The following CDKAL1 variants were observed in gnomAD, a reference collection of about 807,000 sequenced individuals.
The protein encoded by CDKAL1 is CDKAL1 threonylcarbamoyladenosine tRNA methylthiotransferase, also known as threonylcarbamoyladenosine tRNA methylthiotransferase.
CDKAL1 carries 32 observed loss-of-function variants against 68.2 expected under a neutral mutation model. The observed-to-expected ratio is 0.47, with a 90% CI of 0.35 to 0.63. The LOEUF is 0.63. Ranked by LOEUF, CDKAL1 falls within the 30% of genes least tolerant of loss-of-function variation. The pLI is 0.00. For missense variants in CDKAL1, 606 were observed against 696.7 expected, an observed-to-expected ratio of 0.87 and a Z score of 1.47; for synonymous variants, 234 against 244.3, an observed-to-expected ratio of 0.96 and a Z score of 0.39.
chr6:20,926,739 A>G (rs1763204073), intron 9 of CDKAL1, among the ~76,000 whole-genome samples: 2 of 152,154 alleles, frequency 1.3e-5, no homozygotes, highest in Admixed American at 1.3e-4. Context: ...GTTTGAATAT[A>G]AGAAACTAAA....
chr6:20,945,240 T>C (rs1045898602), intron 9 of CDKAL1, among the ~76,000 whole-genome samples: 1 of 152,156 alleles, frequency 6.6e-6, no homozygotes, highest in African/African-American at 2.4e-5. Context: ...CTGAAACTTT[T>C]TTGAGTGCCA....
intron 4 of CDKAL1, among the ~76,000 whole-genome samples, chr6:20,634,789 C>T (rs1201485460): frequency 1.3e-5 from 2 of 151,694 alleles, no homozygotes; most frequent in Non-Finnish European, 2.9e-5. Context: ...ACCAGCCTGA[C>T]CAACATGGTG....
At chr6:20,602,210 G>A (rs951904554) in intron 4 of CDKAL1, among the ~76,000 whole-genome samples, 1 of 152,086 alleles carries the variant, frequency 6.6e-6, no homozygotes, top group Admixed American at 6.6e-5. Flanking sequence ...CAGTATGGGG[G>A]CACATATTTG....
At chr6:20,734,463 A>G (rs1268225223) in intron 5 of CDKAL1, among the ~76,000 whole-genome samples, 1 of 152,212 alleles carries the variant, frequency 6.6e-6, no homozygotes, top group Non-Finnish European at 1.5e-5. Context: ...AAGCTTTTAA[A>G]AATATGTCTG....
chr6:21,142,815 T>C (rs1405726102), intron 13 of CDKAL1, among the ~76,000 whole-genome samples: 2 of 152,188 alleles, frequency 1.3e-5, no homozygotes, highest in Admixed American at 6.5e-5. Context: ...TTGGAAGAAG[T>C]TGAAGATGGT....
intron 8 of CDKAL1, among the ~76,000 whole-genome samples, chr6:20,811,713 G>C (rs965530211): frequency 6.7e-6 from 1 of 148,712 alleles, no homozygotes; most frequent in African/African-American, 2.5e-5. Flanking sequence ...TCTTACTTTT[G>C]CTAATCTGCG....
intron 9 of CDKAL1, among the ~76,000 whole-genome samples, chr6:20,926,273 A>T (rs1006629584): frequency 3.3e-5 from 5 of 152,146 alleles, no homozygotes; most frequent in Non-Finnish European, 7.4e-5. Flanking sequence ...AGCAGGAAAA[A>T]ATAATCTGGT....
At chr6:21,179,533 T>C (rs1332457753) in intron 13 of CDKAL1, among the ~76,000 whole-genome samples, 1 of 152,232 alleles carries the variant, frequency 6.6e-6, no homozygotes, top group East Asian at 1.9e-4. Context: ...TTTTGCCTAG[T>C]AGCTTTCTCT....
At chr6:20,953,007 T>C (rs1199694848) in intron 9 of CDKAL1, among the ~76,000 whole-genome samples, 1 of 152,262 alleles carries the variant, frequency 6.6e-6, no homozygotes, top group Non-Finnish European at 1.5e-5. Flanking sequence ...GATTTTTGAA[T>C]TGAATTGGCA....
chr6:20,847,407 A>G (rs946524147), intron 9 of CDKAL1, among the ~76,000 whole-genome samples: 7 of 152,196 alleles, frequency 4.6e-5, no homozygotes, highest in Non-Finnish European at 7.3e-5. Flanking sequence ...TGGCATTCTT[A>G]ATTAGTGTTT....
intron 5 of CDKAL1, among the ~76,000 whole-genome samples, chr6:20,655,755 T>C (rs897351046): frequency 6.6e-6 from 1 of 152,104 alleles, no homozygotes; most frequent in South Asian, 2.1e-4. Flanking sequence ...GCCAAAAATG[T>C]TGGGGGGACC....
intron 6 of CDKAL1, among the ~76,000 whole-genome samples, chr6:20,752,520 C>T (rs1402804627): frequency 6.6e-6 from 1 of 152,152 alleles, no homozygotes; most frequent in African/African-American, 2.4e-5. Context: ...CACAGACACA[C>T]TCTTAGACTT....
At chr6:20,924,164 A>C (rs1014979723) in intron 9 of CDKAL1, among the ~76,000 whole-genome samples, 2 of 151,306 alleles carry the variant, frequency 1.3e-5, no homozygotes, top group Non-Finnish European at 2.9e-5. Flanking sequence ...ATGATAAGAA[A>C]GTGAAACAGC....
intron 9 of CDKAL1, among the ~76,000 whole-genome samples, chr6:20,860,552 C>T (rs940938994): frequency 6.6e-6 from 1 of 152,010 alleles, no homozygotes; most frequent in African/African-American, 2.4e-5. Flanking sequence ...GGGCTGGGCA[C>T]GGTGGCTCAC....
At chr6:21,130,221 C>CTTTTT (rs10708944) in intron 13 of CDKAL1, among the ~76,000 whole-genome samples, 2 of 115,622 alleles carry the variant, frequency 1.7e-5, no homozygotes, top group Admixed American at 9.6e-5. Flanking sequence ...TTGGACCTAA[C>CTTTTT]TTTTTTTTTT....
intron 9 of CDKAL1, among the ~76,000 whole-genome samples, chr6:20,950,171 A>G (rs1764454525): frequency 6.6e-6 from 1 of 152,178 alleles, no homozygotes; most frequent in African/African-American, 2.4e-5. Context: ...GGCCGGAGCT[A>G]TAGTGACTTC....
chr6:20,819,605 A>G (rs944928723), intron 8 of CDKAL1, among the ~76,000 whole-genome samples: 1 of 152,196 alleles, frequency 6.6e-6, no homozygotes, highest in Non-Finnish European at 1.5e-5. Flanking sequence ...CCAAGTATCT[A>G]GGCATGAAGT....
intron 4 of CDKAL1, among the ~76,000 whole-genome samples, chr6:20,593,804 G>C (rs897301962): frequency 6.6e-6 from 1 of 152,166 alleles, no homozygotes; most frequent in Non-Finnish European, 1.5e-5. Flanking sequence ...ACTTTCTGCT[G>C]TGGGCATTTA....
chr6:20,874,340 C>T (rs1014456637), intron 9 of CDKAL1, among the ~76,000 whole-genome samples: 5 of 151,572 alleles, frequency 3.3e-5, no homozygotes, highest in Admixed American at 6.6e-5. Context: ...CTCGCCCTGT[C>T]GTCCAGGCTG....
Sources: gnomAD v4.1 joint callset for allele counts (sites outside exome capture counted in the v4.1 genomes callset) on GRCh38, gnomAD v4.1.1 for gene constraint, MANE v1.5 for transcripts, NCBI Gene and HGNC (gene_info 2026-07-23, HGNC 2026-07-21) for gene names.